The following AGBL4 variants were observed in gnomAD, a reference collection of about 807,000 sequenced individuals.
AGBL4 encodes AGBL carboxypeptidase 4, also known as cytosolic carboxypeptidase 6.
AGBL4 carries 58 observed loss-of-function variants against 66.4 expected under a neutral mutation model. The ratio of observed to expected loss-of-function variants is 0.87; its 90% CI spans 0.71 to 1.09. The LOEUF is 1.09. Ranked by LOEUF, AGBL4 falls within the 50% of genes least tolerant of loss-of-function variation. The probability of loss-of-function intolerance (pLI) is 0.00; values close to 1 mark genes in which losing one functional copy is unlikely to be tolerated. For missense variants in AGBL4, 579 were observed against 631.0 expected (o/e 0.92, Z 0.88); for synonymous variants, 234 against 222.9 (o/e 1.05, Z -0.44).
chr1:48,883,796 G>C (rs1450763316), intron 5 of AGBL4, among the ~76,000 whole-genome samples: 1 of 152,136 alleles, frequency 6.6e-6, no homozygotes, highest in African/African-American at 2.4e-5. Context: ...ATAGCTGGTG[G>C]CTTAAGAAGT....
At chr1:49,101,603 G>A (rs995630108) in intron 4 of AGBL4, among the ~76,000 whole-genome samples, 1 of 152,218 alleles carries the variant, frequency 6.6e-6, no homozygotes, top group African/African-American at 2.4e-5. Flanking sequence ...AGAGGGATCT[G>A]TGTTTAAATC....
intron 1 of AGBL4, among the ~76,000 whole-genome samples, chr1:49,944,470 A>G (rs1268978403): frequency 6.6e-6 from 1 of 152,106 alleles, no homozygotes; most frequent in Non-Finnish European, 1.5e-5. Context: ...AACAATCACT[A>G]CAGCTCAGGC....
chr1:49,088,460 A>G (rs956224394), intron 4 of AGBL4, among the ~76,000 whole-genome samples: 2 of 152,164 alleles, frequency 1.3e-5, no homozygotes, highest in Non-Finnish European at 2.9e-5. Flanking sequence ...TTTTGGGCCA[A>G]AAAAGAAAGG....
At chr1:49,235,765 G>C (rs192396001) in intron 4 of AGBL4, among the ~76,000 whole-genome samples, 1 of 152,212 alleles carries the variant, frequency 6.6e-6, no homozygotes, top group Non-Finnish European at 1.5e-5. Context: ...CCCTGTACAA[G>C]AACTCTCCAG....
intron 4 of AGBL4, among the ~76,000 whole-genome samples, chr1:49,087,408 T>A (rs1483613019): frequency 6.6e-6 from 1 of 152,154 alleles, no homozygotes; most frequent in African/African-American, 2.4e-5. Context: ...AGTGAACTCA[T>A]AAAGCTGAAA....
chr1:48,694,500 G>C (rs1266012862), intron 6 of AGBL4, among the ~76,000 whole-genome samples: 1 of 152,204 alleles, frequency 6.6e-6, no homozygotes, highest in East Asian at 1.9e-4. Context: ...ATGAGATGCT[G>C]TATGCAATCC....
At chr1:49,308,512 T>A (rs1245259709) in intron 3 of AGBL4, among the ~76,000 whole-genome samples, 1 of 151,818 alleles carries the variant, frequency 6.6e-6, no homozygotes, top group African/African-American at 2.4e-5. Context: ...GCTGGTAAAT[T>A]GAGGTCCAGA....
At chr1:49,437,382 T>C (rs1177771523) in intron 3 of AGBL4, among the ~76,000 whole-genome samples, 2 of 152,198 alleles carry the variant, frequency 1.3e-5, no homozygotes, top group East Asian at 1.9e-4. Flanking sequence ...GTGAACTCTG[T>C]CTTGTATATT....
intron 6 of AGBL4, among the ~76,000 whole-genome samples, chr1:48,691,297 T>A (rs964966720): frequency 3.9e-4 from 60 of 151,966 alleles, no homozygotes; most frequent in African/African-American, 1.4e-3. Context: ...TATTTTTTTA[T>A]AAGCCTGAAA....
At chr1:48,790,174 C>G (rs1341538872) in intron 6 of AGBL4, among the ~76,000 whole-genome samples, 1 of 151,452 alleles carries the variant, frequency 6.6e-6, no homozygotes, top group Non-Finnish European at 1.5e-5. Flanking sequence ...GGATAAGTCA[C>G]AGCAAGAGCA....
intron 5 of AGBL4, among the ~76,000 whole-genome samples, chr1:48,988,250 C>T (rs1349886214): frequency 1.3e-5 from 2 of 152,020 alleles, no homozygotes; most frequent in Admixed American, 6.6e-5. Context: ...AAATGAATAC[C>T]TTCTCCACTG....
intron 3 of AGBL4, among the ~76,000 whole-genome samples, chr1:49,682,265 G>A (rs955661405): frequency 6.6e-6 from 1 of 152,048 alleles, no homozygotes; most frequent in Non-Finnish European, 1.5e-5. Flanking sequence ...AATTATCTGG[G>A]TGTGGTGGCA....
chr1:49,035,996 AAACT>A (rs1180124494), intron 5 of AGBL4, among the ~76,000 whole-genome samples: 14 of 151,976 alleles, frequency 9.2e-5, no homozygotes, highest in Admixed American at 9.2e-4. Context: ...AAGGTTTGAA[AAACT>A]AACTATTGGA....
At chr1:48,598,975 T>G (rs1361686452) in intron 9 of AGBL4, among the ~76,000 whole-genome samples, 2 of 152,118 alleles carry the variant, frequency 1.3e-5, no homozygotes, top group Non-Finnish European at 1.5e-5. Flanking sequence ...TTTTTTCTAG[T>G]TATAAATTAT....
At chr1:49,835,722 T>C (rs1645830652) in intron 2 of AGBL4, among the ~76,000 whole-genome samples, 1 of 152,190 alleles carries the variant, frequency 6.6e-6, no homozygotes. Context: ...GTTTTTCCTT[T>C]CCATATTTAG....
chr1:48,711,918 C>T (rs1304954987), intron 6 of AGBL4, among the ~76,000 whole-genome samples: 3 of 152,208 alleles, frequency 2.0e-5, no homozygotes, highest in Non-Finnish European at 2.9e-5. Flanking sequence ...GGAGTACATC[C>T]TCCTTCCTGG....
At chr1:49,504,659 C>T (rs982523634) in intron 3 of AGBL4, among the ~76,000 whole-genome samples, 2 of 152,036 alleles carry the variant, frequency 1.3e-5, no homozygotes, top group Admixed American at 6.6e-5. Flanking sequence ...AATACAGCTA[C>T]CCTTACTCTC....
chr1:49,298,985 A>G (rs1201867712), intron 3 of AGBL4, among the ~76,000 whole-genome samples: 2 of 152,152 alleles, frequency 1.3e-5, no homozygotes, highest in Admixed American at 1.3e-4. Flanking sequence ...CTTTATCATC[A>G]AAGACAAACA....
At chr1:49,880,656 G>A (rs1169244138) in intron 1 of AGBL4, among the ~76,000 whole-genome samples, 5 of 152,176 alleles carry the variant, frequency 3.3e-5, no homozygotes, top group African/African-American at 1.2e-4. Flanking sequence ...TACAGAGGCA[G>A]GCAAGCCTCC....
Sources: gnomAD v4.1 joint callset for allele counts (sites outside exome capture counted in the v4.1 genomes callset) on GRCh38, gnomAD v4.1.1 for gene constraint, MANE v1.5 for transcripts, NCBI Gene and HGNC (gene_info 2026-07-23, HGNC 2026-07-21) for gene names.